Variants in KAT6B observed in about 807,000 individuals in gnomAD.
The protein encoded by KAT6B is lysine acetyltransferase 6B.
A neutral mutation model predicts 187.5 loss-of-function variants in KAT6B; 10 were observed. The observed-to-expected ratio is 0.05, with a 90% CI of 0.03 to 0.09. KAT6B has a LOEUF of 0.09. Among genes scored for constraint, KAT6B ranks in the 10% least tolerant of loss-of-function variants. The pLI is 1.00. For missense variants in KAT6B, 1,952 were observed against 2,558.9 expected (o/e 0.76, Z 5.12); for synonymous variants, 861 against 926.8 (o/e 0.93, Z 1.29).
In KAT6B at chr10:75,021,409, G is replaced by A. The variant is rs1485790081; in HGVS notation, c.3021+124G>A. On this transcript the variant is annotated intron_variant, in intron 15 of 17. Coordinates refer to ENST00000287239, the MANE Select transcript of KAT6B (RefSeq NM_012330.4). Reference sequence around the variant, plus strand: ...GTAGAGATAGCATGTGAAATGATATGGCACTAATTTATCCTAACTGAGGTT... The same window carrying A: ...GTAGAGATAGCATGTGAAATGATATAGCACTAATTTATCCTAACTGAGGTT... The A allele has an allele frequency of 1.1e-5, 10 of 873,022 alleles. No individual in the cohort carries two copies. In the Admixed American group the frequency reaches 1.6e-4, roughly 14 times the overall value. 54.1% of individuals were successfully genotyped at this position (873,022 alleles called of 1,614,324 possible).
upstream of KAT6B, among the ~76,000 whole-genome samples, chr10:74,825,296 C>T (rs1057066900): frequency 2.6e-5 from 4 of 151,972 alleles, no homozygotes; most frequent in African/African-American, 7.2e-5. This position sits in a 1 kb window ranked among gnomAD's most constrained non-coding sequence, Gnocchi z 5.0. Flanking sequence ...CCCATCCTCC[C>T]GCGGACACCA....
chr10:75,003,779 GT>G (rs376708940), intron 13 of KAT6B, among the ~76,000 whole-genome samples: 80 of 152,284 alleles, frequency 5.3e-4, no homozygotes, highest in African/African-American at 1.9e-3. Context: ...TGAGCTCTCA[GT>G]GATTTATTCA....
chr10:75,031,325 G>A lies in KAT6B; in HGVS notation c.*279G>A. 1 of 465,290 alleles carries A rather than the reference G, an allele frequency of 2.1e-6. No individual in the cohort carries two copies. The highest frequency in any genetic ancestry group is 3.5e-5 in the Admixed American group (1 of 28,186). The allele number at this position is 465,290 out of a possible 1,614,324, so 28.8% of individuals were successfully genotyped here. ...GCCTCTCTTTGGACTACAATTTGGA[G>A]GCAGCCACTTGTTGTGCCTGCTTCT... On this transcript the variant is annotated 3_prime_UTR_variant, in exon 18 of 18. Coordinates refer to ENST00000287239, the MANE Select transcript of KAT6B (RefSeq NM_012330.4).
rs1010749400 is a variant in KAT6B, at chr10:75,031,379, C to T, written c.*333C>T. The T allele has an allele frequency of 6.4e-5, 26 of 403,868 alleles. No individual in the cohort carries two copies. Among genetic ancestry groups the T allele is most frequent in the African/African-American group, 4.4e-4 (22 of 50,330 alleles). 25.0% of individuals were successfully genotyped at this position (403,868 alleles called of 1,614,324 possible). A position where few individuals can be genotyped will look rare whatever the true frequency, so the allele number is the denominator to read the frequency against. ...AAACAATGTGGATATCAAGCCCCCC[C>T]AAATTATCTGTTTTAATATTGAACC... On this transcript the variant is annotated 3_prime_UTR_variant, in exon 18 of 18. Coordinates refer to ENST00000287239, the MANE Select transcript of KAT6B (RefSeq NM_012330.4).
rs546876498 is a variant in KAT6B at position 74,976,068 on chromosome 10, A to T, written c.1731A>T (p.Leu577Phe). 2.5e-6 allele frequency: 4 copies of T among 1,614,202 alleles called. No homozygotes were observed. In the Admixed American group the frequency reaches 5.0e-5, roughly 20 times the overall value. ...AACGTATGCGTCGTAAAACTGAATT[A>T]TCTTCCACGGCAAAATCTAAAGCCC... Reference protein sequence around the residue: ...PPKRMRRKTELSSTAKSKAHF... With the variant: ...PPKRMRRKTEFSSTAKSKAHF... Residue 577 changes from leucine (L) to phenylalanine (F), a missense_variant, in exon 8 of 18, where the codon TTA (leucine) becomes TTT (phenylalanine). This residue lies in a region of KAT6B where 417 missense variants were observed against 508.9 expected (regional missense o/e 0.82). Transcript: ENST00000287239.
intron 3 of KAT6B, among the ~76,000 whole-genome samples, chr10:74,939,396 TTTG>T (rs774410157): frequency 1.3e-5 from 2 of 152,084 alleles, no homozygotes; most frequent in Non-Finnish European, 2.9e-5. Context: ...AGTCTGTTTT[TTTG>T]TTGTTGTTGT....
intron 3 of KAT6B, among the ~76,000 whole-genome samples, chr10:74,903,072 T>C (rs1846513814): frequency 6.6e-6 from 1 of 152,200 alleles, no homozygotes; most frequent in Non-Finnish European, 1.5e-5. Context: ...ATATGCTAAT[T>C]GCTTTTAAAC....
intron 3 of KAT6B, among the ~76,000 whole-genome samples, chr10:74,860,251 C>T (rs1843086848): frequency 6.6e-6 from 1 of 151,980 alleles, no homozygotes; most frequent in Non-Finnish European, 1.5e-5. Flanking sequence ...TAGTATGTGA[C>T]ACATAGCAAA....
rs368110985 is a variant in KAT6B, at chr10:74,847,118, T to A, written c.621+3640T>A. Among the ~76,000 whole-genome samples, 3 of 152,220 alleles carry A rather than the reference T, an allele frequency of 2.0e-5. No individual in the cohort carries two copies. The East Asian group carries it at 5.8e-4, about 29-fold the overall frequency. ...AGGAAAATTCATGTCTGAAAGTGTC[T>A]AGGATTGAGAGCAGAGTAATTTATT... On this transcript the variant is annotated intron_variant, in intron 3 of 17. Coordinates refer to ENST00000287239, the MANE Select transcript of KAT6B (RefSeq NM_012330.4).
intron 4 of KAT6B, among the ~76,000 whole-genome samples, chr10:74,960,544 T>C (rs763281539): frequency 2.0e-5 from 3 of 149,628 alleles, no homozygotes; most frequent in Non-Finnish European, 4.4e-5. Context: ...TCTCTAGTTA[T>C]AGTAATCTCT....
intron 3 of KAT6B, among the ~76,000 whole-genome samples, chr10:74,934,089 G>A (rs929072266): frequency 9.3e-5 from 14 of 151,114 alleles, no homozygotes; most frequent in Admixed American, 7.3e-4. Flanking sequence ...GGCAGGCTGA[G>A]GCAGGAGAAT....
chr10:74,835,917 A>T (rs1186058321), intron 1 of KAT6B, among the ~76,000 whole-genome samples: 1 of 152,214 alleles, frequency 6.6e-6, no homozygotes, highest in African/African-American at 2.4e-5. Flanking sequence ...CACCACTGCC[A>T]CTATCAAGTT....
chr10:75,028,585 G>A lies in KAT6B; in HGVS notation c.3761G>A (p.Arg1254His), dbSNP rs568525923. The change falls in exon 18 of 18, where the codon CGC (arginine) becomes CAC (histidine). Residue 1254 changes from arginine (R) to histidine (H), a missense_variant. By Grantham distance (29) the Arg-to-His change is conservative. Transcript: ENST00000287239. ...CAAGTGTGGCCAAAAGGAACAAAGCGCGGTCTATCTAAGTGGAGGCAAAAC... is the reference window on the plus strand; with the variant it reads ...CAAGTGTGGCCAAAAGGAACAAAGCACGGTCTATCTAAGTGGAGGCAAAAC... ...CKQVWPKGTK[R>H]GLSKWRQNKE... 1.1e-5 allele frequency: 17 copies of A among 1,614,166 alleles called. No homozygotes were observed. The highest frequency in any genetic ancestry group is 1.6e-4 in the Middle Eastern group (1 of 6,062).
intron 5 of KAT6B, 99 bp from the exon 6 acceptor site, chr10:74,969,921 T>C (rs1158442371): frequency 2.9e-6 from 3 of 1,037,660 alleles, no homozygotes; most frequent in Non-Finnish European, 4.5e-6. Context: ...TTGGTGCACT[T>C]TCCTTATATT....
chr10:74,861,615 G>A (rs1843194033), intron 3 of KAT6B, among the ~76,000 whole-genome samples: 1 of 152,166 alleles, frequency 6.6e-6, no homozygotes, highest in South Asian at 2.1e-4. Flanking sequence ...AGGCATCCAA[G>A]CTCCTTGATC....
chr10:74,827,674 G>A (rs1465597631), intron 1 of KAT6B, among the ~76,000 whole-genome samples: 1 of 152,074 alleles, frequency 6.6e-6, no homozygotes, highest in African/African-American at 2.4e-5. Context: ...CAAGGGATTG[G>A]TAGGGGTGGG....
chr10:74,840,200 T>C (rs1841636048), intron 2 of KAT6B, among the ~76,000 whole-genome samples: 1 of 152,232 alleles, frequency 6.6e-6, no homozygotes, highest in South Asian at 2.1e-4. Flanking sequence ...GTTGCATTTA[T>C]AATTGGATAA....
At chr10:74,888,611 T>G (rs907256277) in intron 3 of KAT6B, among the ~76,000 whole-genome samples, 1 of 152,214 alleles carries the variant, frequency 6.6e-6, no homozygotes, top group Non-Finnish European at 1.5e-5. Context: ...ATGGGTGTAC[T>G]TTCATATTCT....
chr10:74,877,035 C>T (rs1284223039), intron 3 of KAT6B, among the ~76,000 whole-genome samples: 1 of 151,900 alleles, frequency 6.6e-6, no homozygotes, highest in Non-Finnish European at 1.5e-5. Flanking sequence ...GGTGCAATCT[C>T]GGCTCACTGC....
Sources: gnomAD v4.1 joint callset for allele counts (sites outside exome capture counted in the v4.1 genomes callset) on GRCh38, gnomAD v4.1.1 for gene constraint, gnomAD v4.1.1 regional missense constraint, Gnocchi (gnomAD v3.1) non-coding constraint, MANE v1.5 for transcripts, NCBI Gene and HGNC (gene_info 2026-07-23, HGNC 2026-07-21) for gene names.